Variants in CDH12 observed in about 807,000 individuals in gnomAD.
CDH12 encodes cadherin 12.
Under a neutral mutation model 74.1 loss-of-function variants are expected in CDH12, and 41 were observed. The observed-to-expected ratio is 0.55, with a 90% CI of 0.43 to 0.72. The LOEUF is 0.72. CDH12 is among the 30% of genes least tolerant of loss of function. CDH12 has a pLI of 0.00. For missense variants in CDH12, 945 were observed against 977.2 expected, an observed-to-expected ratio of 0.97 and a Z score of 0.44; for synonymous variants, 399 against 355.0, an observed-to-expected ratio of 1.12 and a Z score of -1.39.
intron 7 of CDH12, among the ~76,000 whole-genome samples, chr5:21,847,572 T>G (rs1750241386): frequency 6.6e-6 from 1 of 152,020 alleles, no homozygotes; most frequent in Non-Finnish European, 1.5e-5. Flanking sequence ...TTTCATATCT[T>G]TTTCTGACTC....
chr5:22,101,699 T>C (rs1042664560), intron 4 of CDH12, among the ~76,000 whole-genome samples: 1 of 152,230 alleles, frequency 6.6e-6, no homozygotes, highest in Non-Finnish European at 1.5e-5. Flanking sequence ...TCCATTGTTT[T>C]TAATTTTATA....
At chr5:21,982,609 T>C (rs921644898) in intron 5 of CDH12, among the ~76,000 whole-genome samples, 1 of 151,846 alleles carries the variant, frequency 6.6e-6, no homozygotes, top group African/African-American at 2.4e-5. Context: ...AATATCTCTA[T>C]ATCTATAATC....
At chr5:22,660,395 A>G (rs1403264415) in intron 1 of CDH12, among the ~76,000 whole-genome samples, 1 of 152,204 alleles carries the variant, frequency 6.6e-6, no homozygotes, top group Non-Finnish European at 1.5e-5. Flanking sequence ...TCCAACGTGA[A>G]GAGATTAATA....
chr5:21,928,802 G>A (rs1192136673), intron 6 of CDH12, among the ~76,000 whole-genome samples: 1 of 151,800 alleles, frequency 6.6e-6, no homozygotes, highest in African/African-American at 2.4e-5. Context: ...AAGTCTTTTG[G>A]CTAATCCCCA....
In CDH12 at chr5:22,506,085, C is replaced by T. The variant is rs375560681; in HGVS notation, c.-522-721G>A. 2.4e-4 allele frequency among the ~76,000 whole-genome samples: 37 copies of T among 152,160 alleles called. No homozygotes were observed. In the East Asian group the frequency reaches 6.0e-3, roughly 25 times the overall value. Reference sequence around the variant, plus strand: ...ACTGGGGTACTTATTTCTGTTTACACAGATTTTGATCAGCTGACTGGGGTA... The same window carrying T: ...ACTGGGGTACTTATTTCTGTTTACATAGATTTTGATCAGCTGACTGGGGTA... On this transcript the variant is annotated intron_variant, in intron 1 of 14. Coordinates refer to ENST00000382254, the MANE Select transcript of CDH12 (RefSeq NM_004061.5).
chr5:22,449,452 G>A (rs1744956836), intron 2 of CDH12, among the ~76,000 whole-genome samples: 1 of 152,050 alleles, frequency 6.6e-6, no homozygotes, highest in South Asian at 2.1e-4. Context: ...GAGTGGGAGT[G>A]CCATATCCAT....
intron 4 of CDH12, among the ~76,000 whole-genome samples, chr5:22,087,151 T>G (rs187406709): frequency 1.2e-4 from 19 of 152,218 alleles, no homozygotes; most frequent in Non-Finnish European, 2.8e-4. Flanking sequence ...AGGTAATAAT[T>G]AAGGAAACCT....
At chr5:22,171,053 T>C (rs962382338) in intron 4 of CDH12, among the ~76,000 whole-genome samples, 1 of 151,888 alleles carries the variant, frequency 6.6e-6, no homozygotes, top group Admixed American at 6.6e-5. Context: ...TAAAATTAGA[T>C]ATGCTTCCAT....
At chr5:22,038,405 G>A (rs563978113) in intron 5 of CDH12, among the ~76,000 whole-genome samples, 1 of 152,272 alleles carries the variant, frequency 6.6e-6, no homozygotes, top group African/African-American at 2.4e-5. Context: ...ATGGTGCCTT[G>A]ATGTTGCTGC....
chr5:22,052,836 TAAAAAC>T (rs1468036595), intron 5 of CDH12, among the ~76,000 whole-genome samples: 3 of 151,964 alleles, frequency 2.0e-5, no homozygotes, highest in African/African-American at 7.2e-5. Context: ...GGCCAAAAAA[TAAAAAC>T]AAATTAACAG....
chr5:22,496,982 C>T (rs1276390059), intron 2 of CDH12, among the ~76,000 whole-genome samples: 1 of 152,174 alleles, frequency 6.6e-6, no homozygotes, highest in Non-Finnish European at 1.5e-5. Flanking sequence ...AATTCTGCCA[C>T]TTACCAGCTG....
chr5:22,366,555 T>G (rs1210364754), intron 3 of CDH12, among the ~76,000 whole-genome samples: 1 of 152,084 alleles, frequency 6.6e-6, no homozygotes, highest in Non-Finnish European at 1.5e-5. Flanking sequence ...CATAATGAAT[T>G]TGTTTTGATT....
chr5:22,827,515 A>G (rs1736398589), intron 1 of CDH12, among the ~76,000 whole-genome samples: 1 of 152,200 alleles, frequency 6.6e-6, no homozygotes, highest in African/African-American at 2.4e-5. Flanking sequence ...AAGACTCCCT[A>G]CTGGGGCACC....
At chr5:22,355,527 T>A (rs199778159) in intron 3 of CDH12, among the ~76,000 whole-genome samples, 5,625 of 133,732 alleles carry the variant, frequency 0.042, 264 homozygotes, top group African/African-American at 0.14. Context: ...AAAAAAAATA[T>A]ATATATATAT....
intron 1 of CDH12, among the ~76,000 whole-genome samples, chr5:22,578,972 C>A (rs554141983): frequency 6.6e-6 from 1 of 152,236 alleles, no homozygotes; most frequent in African/African-American, 2.4e-5. Flanking sequence ...TGAGTGATTA[C>A]ATTTATCTCA....
At chr5:21,949,392 G>C (rs1477291172) in intron 6 of CDH12, among the ~76,000 whole-genome samples, 1 of 150,426 alleles carries the variant, frequency 6.6e-6, no homozygotes, top group African/African-American at 2.5e-5. Context: ...GGAGCTTGCA[G>C]TGAGCCGAGA....
intron 1 of CDH12, among the ~76,000 whole-genome samples, chr5:22,733,478 CAT>C (rs1016281260): frequency 1.3e-5 from 2 of 148,620 alleles, no homozygotes; most frequent in African/African-American, 5.0e-5. Context: ...TTTTATGTGT[CAT>C]ACTGTGATTC....
Position 21,876,720 on chromosome 5 carries a change from T to C in CDH12, c.527-21930A>G, listed in dbSNP as rs137984993. Among the ~76,000 whole-genome samples, 15 of 64,936 alleles carry C rather than the reference T, an allele frequency of 2.3e-4. No homozygotes were observed. The East Asian group carries it at 6.7e-3, about 29-fold the overall frequency. 42.6% of individuals were successfully genotyped at this position (64,936 alleles called of 152,430 possible). ...TTCAGCCACATTTGTCTTTCAAAAA[T>C]GTAAATTTAATTTTGTCCACAGCAC... On this transcript the variant is annotated intron_variant, in intron 6 of 14. Coordinates refer to ENST00000382254, the MANE Select transcript of CDH12 (RefSeq NM_004061.5).
intron 2 of CDH12, among the ~76,000 whole-genome samples, chr5:22,450,303 CCCA>C (rs1484214436): frequency 6.6e-6 from 1 of 151,652 alleles, no homozygotes; most frequent in Non-Finnish European, 1.5e-5. Flanking sequence ...ATTTTATATC[CCCA>C]CGTCAATAAA....
Sources: gnomAD v4.1 joint callset for allele counts (sites outside exome capture counted in the v4.1 genomes callset) on GRCh38, gnomAD v4.1.1 for gene constraint, MANE v1.5 for transcripts, NCBI Gene and HGNC (gene_info 2026-07-23, HGNC 2026-07-21) for gene names.